Variants in MPPED1 observed in about 807,000 individuals in gnomAD.
The protein encoded by MPPED1 is metallophosphoesterase domain-containing protein 1.
A neutral mutation model predicts 36.2 loss-of-function variants in MPPED1; 16 were observed. The ratio of observed to expected loss-of-function variants is 0.44; its 90% CI spans 0.30 to 0.67. The LOEUF is 0.67. MPPED1 is among the 30% of genes least tolerant of loss of function. MPPED1 has a pLI of 0.10. For missense variants in MPPED1, 307 were observed against 453.4 expected, an observed-to-expected ratio of 0.68 and a Z score of 2.93; for synonymous variants, 199 against 191.3, an observed-to-expected ratio of 1.04 and a Z score of -0.33.
chr22:43,505,595 C>T lies in MPPED1; in HGVS notation c.960C>T (p.Leu320=), dbSNP rs1352287065. The T allele has an allele frequency of 6.2e-7, 1 of 1,611,436 alleles. No individual in the cohort carries two copies. The highest frequency in any genetic ancestry group is 1.3e-5 in the African/African-American group (1 of 74,970). ...TGAACCCGCCCATAGTCATCGACCT[C>T]CCCACACCCCGGAACTCCTGACTGC... ...QPVNPPIVID[L]PTPRNS Residue 320 remains leucine (L), a synonymous_variant, in exon 7 of 7, where the codon CTC becomes CTT. Transcript: ENST00000443721.
At chr22:43,475,162 G>A (rs190823346) in intron 4 of MPPED1, among the ~76,000 whole-genome samples, 3 of 152,246 alleles carry the variant, frequency 2.0e-5, no homozygotes, top group Admixed American at 1.3e-4. Flanking sequence ...ACTGAAAATA[G>A]TATTATCAGC....
At chr22:43,463,811 C>G (rs1294067519) in intron 3 of MPPED1, among the ~76,000 whole-genome samples, 1 of 24,210 alleles carries the variant, frequency 4.1e-5, no homozygotes, top group African/African-American at 2.1e-4. Flanking sequence ...TTTTTCTTTT[C>G]TTTCTTTCTT....
chr22:43,474,929 C>T lies in MPPED1; in HGVS notation c.600C>T (p.Thr200=), dbSNP rs781362661. 9.9e-6 allele frequency: 16 copies of T among 1,613,876 alleles called. No homozygotes were observed. The highest frequency in any genetic ancestry group is 1.3e-5 in the Non-Finnish European group (15 of 1,179,900). The change falls in exon 4 of 7, where the codon ACC becomes ACT. Residue 200 remains threonine, a synonymous_variant. Coordinates refer to ENST00000443721, the MANE Select transcript of MPPED1 (RefSeq NM_001044370.2). This position sits in a 1 kb window ranked among gnomAD's most constrained non-coding sequence, Gnocchi z 5.2. ...NCIYLQDSEV[T]VRGFRIYGSP... ...TCTACCTTCAGGACTCGGAGGTCAC[C>T]GTGCGGGGCTTCCGGATCTATGGCT...
chr22:43,477,985 G>A (rs934128375), intron 4 of MPPED1, among the ~76,000 whole-genome samples: 2 of 152,194 alleles, frequency 1.3e-5, no homozygotes, highest in Non-Finnish European at 2.9e-5. Flanking sequence ...ATTATTACTG[G>A]GGTGCTCCTT....
chr22:43,499,580 G>A (rs1468245030), intron 5 of MPPED1, among the ~76,000 whole-genome samples: 1 of 138,946 alleles, frequency 7.2e-6, no homozygotes, highest in Non-Finnish European at 1.6e-5. Flanking sequence ...TGGTAGTGGA[G>A]GTGGTGGTGG....
chr22:43,500,278 C>CGGTGGTGATGGTGAT (rs773765868), intron 5 of MPPED1, among the ~76,000 whole-genome samples: 2 of 19,868 alleles, frequency 1.0e-4, no homozygotes, highest in South Asian at 3.0e-3. Context: ...ATGGAGGTGG[C>CGGTGGTGATGGTGAT]GGTGGTGATG....
At chr22:43,419,692 C>A (rs954112362) in intron 1 of MPPED1, among the ~76,000 whole-genome samples, 1 of 144,266 alleles carries the variant, frequency 6.9e-6, no homozygotes, top group African/African-American at 2.6e-5. Context: ...GTGGTGTGAC[C>A]ATGGTGATGG....
rs1000315573 is a variant in MPPED1, at chr22:43,412,029, C to A, written c.-208C>A. 9.2e-5 allele frequency: 90 copies of A among 978,780 alleles called. No homozygotes were observed. Among genetic ancestry groups the A allele is most frequent in the Non-Finnish European group, 1.1e-4 (89 of 827,362 alleles). 60.6% of individuals were successfully genotyped at this position (978,780 alleles called of 1,614,324 possible). ...TCTGGCTCCCACTTGCAGCCTCGGA[C>A]GCGCGGCGAGGCGGCCGCCGCCGGA... is the stretch of plus-strand genomic sequence containing the variant. On this transcript the variant is annotated 5_prime_UTR_variant, in exon 1 of 7. Coordinates refer to ENST00000443721, the MANE Select transcript of MPPED1 (RefSeq NM_001044370.2).
At chr22:43,438,026 A>G (rs1930023386) in intron 3 of MPPED1, among the ~76,000 whole-genome samples, 1 of 152,170 alleles carries the variant, frequency 6.6e-6, no homozygotes, top group African/African-American at 2.4e-5. Flanking sequence ...ACATTCCGTC[A>G]TCCTATTGCT....
At chr22:43,503,443 A>T (rs1418254839) in intron 6 of MPPED1, among the ~76,000 whole-genome samples, 1 of 152,100 alleles carries the variant, frequency 6.6e-6, no homozygotes, top group Non-Finnish European at 1.5e-5. Context: ...GGATGTCTGG[A>T]CTGACGTGGT....
At chr22:43,504,407 G>A (rs536811062) in intron 6 of MPPED1, among the ~76,000 whole-genome samples, 6 of 152,144 alleles carry the variant, frequency 3.9e-5, no homozygotes, top group South Asian at 2.1e-4. Flanking sequence ...TAACAGTGGC[G>A]ATGATAATGA....
chr22:43,423,160 A>C (rs1929336830), intron 1 of MPPED1, among the ~76,000 whole-genome samples: 1 of 152,176 alleles, frequency 6.6e-6, no homozygotes, highest in Admixed American at 6.5e-5. Context: ...CTAGAAGAGG[A>C]AGCTGGAGGC....
chr22:43,500,490 C>T (rs1932701232), intron 5 of MPPED1, among the ~76,000 whole-genome samples: 1 of 150,680 alleles, frequency 6.6e-6, no homozygotes, highest in South Asian at 2.1e-4. Flanking sequence ...CTTGCCCCTT[C>T]CAGTCCACTC....
At chr22:43,444,726 T>C (rs1359942529) in intron 3 of MPPED1, among the ~76,000 whole-genome samples, 1 of 151,674 alleles carries the variant, frequency 6.6e-6, no homozygotes, top group Non-Finnish European at 1.5e-5. Flanking sequence ...AATTAAAAAC[T>C]TAAAAAAAAA....
At chr22:43,453,809 A>G (rs1930658047) in intron 3 of MPPED1, among the ~76,000 whole-genome samples, 1 of 152,082 alleles carries the variant, frequency 6.6e-6, no homozygotes, top group Admixed American at 6.5e-5. Flanking sequence ...CATGACATTG[A>G]TCATTTTAGT....
chr22:43,427,904 G>T (rs1244201664), intron 2 of MPPED1, among the ~76,000 whole-genome samples: 2 of 152,184 alleles, frequency 1.3e-5, no homozygotes, highest in African/African-American at 4.8e-5. Flanking sequence ...GGAGGAAACA[G>T]CACCTCCAAG....
chr22:43,456,200 G>A (rs1326732230), intron 3 of MPPED1, among the ~76,000 whole-genome samples: 1 of 152,236 alleles, frequency 6.6e-6, no homozygotes, highest in Non-Finnish European at 1.5e-5. Flanking sequence ...TGGCAAGAGT[G>A]AATGTCCTTG....
intron 3 of MPPED1, among the ~76,000 whole-genome samples, chr22:43,444,427 C>T (rs1248264785): frequency 6.9e-6 from 1 of 144,860 alleles, no homozygotes; most frequent in African/African-American, 2.6e-5. Context: ...AGTGCAACGG[C>T]GCGATCTCAG....
rs60855321 is a variant in MPPED1, at chr22:43,446,060, G to A, written c.406+10845G>A. Among the ~76,000 whole-genome samples the A allele has an allele frequency of 2.2e-3, 328 of 149,374 alleles. 1 individual carries two copies. The highest frequency in any genetic ancestry group is 7.4e-3 in the African/African-American group (298 of 40,410). ...TGATTTTTCTATTTTTTGTAGAGAC[G>A]GGGTTTCACCATGTTGCCCAGGCTG... is the stretch of plus-strand genomic sequence containing the variant. On this transcript the variant is annotated intron_variant, in intron 3 of 6. Transcript: ENST00000443721.
Sources: allele counts gnomAD v4.1 joint callset (sites outside exome capture counted in the v4.1 genomes callset), GRCh38; gene constraint gnomAD v4.1.1; non-coding constraint Gnocchi (gnomAD v3.1); transcripts MANE v1.5; gene names NCBI Gene and HGNC (gene_info 2026-07-23, HGNC 2026-07-21).